Variants in CELF4 observed in about 807,000 individuals in gnomAD.
CELF4 encodes the protein CUG-BP- and ETR-3-like factor 4.
In CELF4, 18 loss-of-function variants were observed where a neutral mutation model predicts 59.9. The observed-to-expected ratio is 0.30, with a 90% CI of 0.21 to 0.45. CELF4 has a LOEUF of 0.45. Ranked by LOEUF, CELF4 falls within the 20% of genes least tolerant of loss-of-function variation. The pLI, the probability that CELF4 is intolerant of heterozygous loss-of-function variation, is 1.00. For synonymous variants in CELF4, 261 were observed against 267.1 expected, an observed-to-expected ratio of 0.98 and a Z score of 0.22; for missense variants, 456 against 689.0, an observed-to-expected ratio of 0.66 and a Z score of 3.79.
At chr18:37,393,973 C>G (rs1361244845) in intron 2 of CELF4, among the ~76,000 whole-genome samples, 3 of 150,930 alleles carry the variant, frequency 2.0e-5, no homozygotes, top group Admixed American at 1.3e-4. Flanking sequence ...GAGGTCGGCT[C>G]TGGGATTTGC....
At chr18:37,383,015 AGTACATACATGTAT>A (rs1443648071) in intron 2 of CELF4, among the ~76,000 whole-genome samples, 1 of 116,594 alleles carries the variant, frequency 8.6e-6, no homozygotes, top group African/African-American at 3.5e-5. Flanking sequence ...TGTATGTAAT[AGTACATACATGTAT>A]GTATGTATGT....
chr18:37,365,145 G>A (rs1054358262), intron 2 of CELF4, among the ~76,000 whole-genome samples: 11 of 152,160 alleles, frequency 7.2e-5, no homozygotes, highest in African/African-American at 2.7e-4. Context: ...GACTTTAAAG[G>A]GAGAGGAAGA....
chr18:37,529,807 C>A (rs1449158406), intron 1 of CELF4, among the ~76,000 whole-genome samples: 1 of 152,178 alleles, frequency 6.6e-6, no homozygotes, highest in African/African-American at 2.4e-5. Flanking sequence ...TGTGACTTTC[C>A]TTGGCCTCCG....
chr18:37,527,072 A>G (rs1473511802), intron 1 of CELF4, among the ~76,000 whole-genome samples: 1 of 151,956 alleles, frequency 6.6e-6, no homozygotes. Flanking sequence ...ATTTAGCAGA[A>G]CCCTCAACCT....
intron 2 of CELF4, among the ~76,000 whole-genome samples, chr18:37,441,408 G>A (rs1295755480): frequency 6.6e-6 from 1 of 152,016 alleles, no homozygotes; most frequent in Non-Finnish European, 1.5e-5. Flanking sequence ...GACAGATGCC[G>A]GATATGTTTG....
rs144043932 is a variant in CELF4 at position 37,333,176 on chromosome 18, GTTAAC to G, written c.370-11300_370-11296del. ...ATACTTGCTCATACAAGGCGGGGCT[GTTAAC>G]TTAACCTCTGAGAGGCATATCCACG... On this transcript the variant is annotated intron_variant, in intron 2 of 12. Transcript: ENST00000420428. Among the ~76,000 whole-genome samples the G allele has an allele frequency of 9.9e-3, 1,508 of 152,356 alleles. 23 individuals carry two copies. Among genetic ancestry groups the G allele is most frequent in the African/African-American group, 0.031 (1,295 of 41,580 alleles).
intron 2 of CELF4, among the ~76,000 whole-genome samples, chr18:37,398,181 T>C (rs1370984199): frequency 1.3e-5 from 2 of 152,170 alleles, no homozygotes; most frequent in African/African-American, 2.4e-5. Flanking sequence ...TTATAGCCTG[T>C]GACCCCTTCC....
At chr18:37,470,239 A>G (rs1381518581) in intron 2 of CELF4, among the ~76,000 whole-genome samples, 1 of 152,210 alleles carries the variant, frequency 6.6e-6, no homozygotes, top group Non-Finnish European at 1.5e-5. Flanking sequence ...ATGTGCAGGA[A>G]TATGTTGTCA....
At chr18:37,433,516 C>T (rs2099677703) in intron 2 of CELF4, among the ~76,000 whole-genome samples, 1 of 152,236 alleles carries the variant, frequency 6.6e-6, no homozygotes, top group South Asian at 2.1e-4. Flanking sequence ...GCACAGAGCA[C>T]ACGGTAGGCA....
intron 2 of CELF4, among the ~76,000 whole-genome samples, chr18:37,428,719 G>T (rs1432740854): frequency 6.6e-6 from 1 of 152,146 alleles, no homozygotes. Flanking sequence ...GTTGTATGAG[G>T]CAGGAAGACC....
At chr18:37,407,171 C>T (rs142192561) in intron 2 of CELF4, among the ~76,000 whole-genome samples, 30 of 152,296 alleles carry the variant, frequency 2.0e-4, no homozygotes, top group African/African-American at 7.2e-4. Context: ...ATATTATCTG[C>T]AGAACTGCTA....
chr18:37,504,326 A>G (rs1246154006), intron 1 of CELF4, among the ~76,000 whole-genome samples: 1 of 152,054 alleles, frequency 6.6e-6, no homozygotes, highest in Non-Finnish European at 1.5e-5. Flanking sequence ...CCCCGTCTCT[A>G]CTAAAAATAC....
At chr18:37,361,250 C>T (rs899483179) in intron 2 of CELF4, among the ~76,000 whole-genome samples, 2 of 152,182 alleles carry the variant, frequency 1.3e-5, no homozygotes, top group East Asian at 3.9e-4. Flanking sequence ...CAGAGTTAAA[C>T]CAAGAGCTAA....
At chr18:37,423,053 T>G (rs1786826) in intron 2 of CELF4, among the ~76,000 whole-genome samples, 2 of 143,256 alleles carry the variant, frequency 1.4e-5, no homozygotes, top group African/African-American at 5.0e-5. Flanking sequence ...CATAGACACA[T>G]GCGCGCGCGC....
intron 3 of CELF4, among the ~76,000 whole-genome samples, chr18:37,292,299 T>A (rs915879745): frequency 7.9e-5 from 12 of 152,174 alleles, no homozygotes; most frequent in African/African-American, 2.9e-4. Flanking sequence ...ATCAATTAGT[T>A]TTTCATTCCA....
Position 37,438,732 on chromosome 18 carries a change from TC to T in CELF4, c.369+46792del, listed in dbSNP as rs745739141. ...CCAGTCATACAGCTGGCAATTAATT[TC>T]CCCTATAAATGAAACACCTTTCATA... On this transcript the variant is annotated intron_variant, in intron 2 of 12. Transcript: ENST00000420428. 5.3e-4 allele frequency among the ~76,000 whole-genome samples: 80 copies of T among 152,258 alleles called. 1 individual carries two copies. The highest frequency in any genetic ancestry group is 1.2e-3 in the Admixed American group (18 of 15,292).
At chr18:37,498,810 A>T (rs898885129) in intron 1 of CELF4, among the ~76,000 whole-genome samples, 2 of 152,108 alleles carry the variant, frequency 1.3e-5, no homozygotes, top group African/African-American at 2.4e-5. Context: ...TGGCTATGAC[A>T]GTAGCCTCTG....
chr18:37,555,781 A>G (rs1055186899), intron 1 of CELF4, among the ~76,000 whole-genome samples: 2 of 152,182 alleles, frequency 1.3e-5, no homozygotes. Flanking sequence ...TCTTAGGTAT[A>G]TACTTTTCAC....
intron 3 of CELF4, among the ~76,000 whole-genome samples, chr18:37,313,982 G>C (rs1054806658): frequency 1.3e-5 from 2 of 152,230 alleles, no homozygotes; most frequent in Non-Finnish European, 2.9e-5. Context: ...AGCACCTAAA[G>C]GCTGCAGGAA....
Sources: allele counts gnomAD v4.1 joint callset (sites outside exome capture counted in the v4.1 genomes callset), GRCh38; gene constraint gnomAD v4.1.1; transcripts MANE v1.5; gene names NCBI Gene and HGNC (gene_info 2026-07-23, HGNC 2026-07-21).